CEP164: variants seen among roughly 807,000 people sequenced by gnomAD.
The protein encoded by CEP164 is centrosomal protein of 164 kDa.
In CEP164, 162 loss-of-function variants were observed where a neutral mutation model predicts 182.7. The ratio of observed to expected loss-of-function variants is 0.89; its 90% CI spans 0.78 to 1.01. CEP164 has a LOEUF of 1.01. Ranked by LOEUF, CEP164 falls within the 50% of genes least tolerant of loss-of-function variation. The pLI, the probability that CEP164 is intolerant of heterozygous loss-of-function variation, is 0.00. For missense variants in CEP164, 1,735 were observed against 1,790.4 expected (o/e 0.97, Z 0.56); for synonymous variants, 661 against 690.0 (o/e 0.96, Z 0.66).
At chr11:117,348,960 T>C (rs1057095875) in intron 4 of CEP164, among the ~76,000 whole-genome samples, 2 of 152,232 alleles carry the variant, frequency 1.3e-5, no homozygotes, top group East Asian at 1.9e-4. Flanking sequence ...TGTTGTAGCA[T>C]GCGTGAGAAT....
intron 2 of CEP164, chr11:117,336,601 GC>G (rs2037159956): frequency 4.9e-6 from 7 of 1,419,394 alleles, no homozygotes; most frequent in Non-Finnish European, 6.0e-6. Context: ...TATGGATTTG[GC>G]CCTGGCTGTC....
At chr11:117,360,919 G>A (rs1187336856) in intron 5 of CEP164, among the ~76,000 whole-genome samples, 1 of 148,570 alleles carries the variant, frequency 6.7e-6, no homozygotes, top group Non-Finnish European at 1.5e-5. Context: ...TTCCCCTCCC[G>A]CATCCTTCTT....
intron 1 of CEP164, among the ~76,000 whole-genome samples, chr11:117,329,534 AGTTTGTTT>A (rs964192224): frequency 2.0e-5 from 3 of 151,554 alleles, no homozygotes; most frequent in Non-Finnish European, 2.9e-5. Flanking sequence ...ACCTTGGGCA[AGTTTGTTT>A]GTTTGTTTGT....
At chr11:117,341,079 G>A (rs1486768710) in intron 3 of CEP164, among the ~76,000 whole-genome samples, 7 of 152,080 alleles carry the variant, frequency 4.6e-5, no homozygotes, top group East Asian at 1.9e-4. Flanking sequence ...TACCTGCCTC[G>A]GCCTCCCAAA....
chr11:117,345,488 A>G (rs1024235240), intron 4 of CEP164, among the ~76,000 whole-genome samples: 2 of 152,076 alleles, frequency 1.3e-5, no homozygotes, highest in African/African-American at 4.8e-5. Flanking sequence ...GCTTATCCCA[A>G]ACTGGTCCTC....
rs1455006858 is a variant in CEP164, at chr11:117,394,524, G to A, written c.2760+31G>A. The A allele has an allele frequency of 1.2e-6, 2 of 1,611,094 alleles. No individual in the cohort carries two copies. The highest frequency in any genetic ancestry group is 1.1e-5 in the South Asian group (1 of 90,592). ...GGGCCTGGGGCAGGGTGAGCCCACT[G>A]TGACCCCTCCATGCACAGTAGGAAG... On this transcript the variant is annotated intron_variant, in intron 21 of 32. Transcript: ENST00000278935. This position sits in a 1 kb window ranked among gnomAD's most constrained non-coding sequence, Gnocchi z 4.0.
intron 3 of CEP164, among the ~76,000 whole-genome samples, chr11:117,342,443 C>T (rs143793912): frequency 0.012 from 1,811 of 152,018 alleles, 13 homozygotes; most frequent in Non-Finnish European, 0.018. Flanking sequence ...CATGTTCCAA[C>T]GGTTATGTCA....
intron 7 of CEP164, among the ~76,000 whole-genome samples, chr11:117,363,168 A>T (rs1332677456): frequency 2.6e-5 from 4 of 152,194 alleles, no homozygotes. Context: ...TGAGCAGTCT[A>T]TTATGTCTTC....
At chr11:117,359,016 C>T (rs1159186582) in intron 5 of CEP164, among the ~76,000 whole-genome samples, 3 of 151,858 alleles carry the variant, frequency 2.0e-5, no homozygotes, top group Admixed American at 2.0e-4. Flanking sequence ...ATGATGTCAC[C>T]TCACTGCAAC....
chr11:117,344,181 C>G lies in CEP164; in HGVS notation c.98C>G (p.Ala33Gly), dbSNP rs932595015. The G allele has an allele frequency of 1.2e-5, 20 of 1,610,700 alleles. No homozygotes were observed. The highest frequency in any genetic ancestry group is 2.7e-5 in the African/African-American group (2 of 74,788). ...IPSEQEILEFAREIGIDPIKE... is the reference protein window; with the variant it reads ...IPSEQEILEFGREIGIDPIKE... ...CTCCTTGCAGAAATTCTTGAATTTGCCCGGGAGATTGGTATTGATCCCATC... is the reference window on the plus strand; with the variant it reads ...CTCCTTGCAGAAATTCTTGAATTTGGCCGGGAGATTGGTATTGATCCCATC... The change falls in exon 4 of 33, where the codon GCC becomes GGC. Residue 33 changes from alanine to glycine, a missense_variant. By Grantham distance (60) the Ala-to-Gly change is moderately conservative (BLOSUM62 0). Transcript: ENST00000278935.
At position 117,411,879 on chromosome 11, in the gene CEP164, C is replaced by A; in HGVS notation, c.4248C>A (p.Asn1416Lys). The change falls in exon 32 of 33, where the codon AAC becomes AAA. Residue 1416 changes from asparagine to lysine, a missense_variant. Asn to Lys is a moderately conservative substitution (Grantham distance 94). Coordinates refer to ENST00000278935, the MANE Select transcript of CEP164 (RefSeq NM_014956.5). This position sits in a 1 kb window ranked among gnomAD's most constrained non-coding sequence, Gnocchi z 4.4. ...CCTTTCAGGGCATAATTGAGGCCAA[C>A]CGGAGGTGGCTGGAACGTGTCAAGA... Reference protein sequence around the residue: ...STTFQGIIEANRRWLERVKND... With the variant: ...STTFQGIIEAKRRWLERVKND... 1 of 1,614,178 alleles carries A rather than the reference C, an allele frequency of 6.2e-7. No individual in the cohort carries two copies. The highest frequency in any genetic ancestry group is 8.5e-7 in the Non-Finnish European group (1 of 1,180,024).
intron 4 of CEP164, among the ~76,000 whole-genome samples, chr11:117,346,729 T>C (rs1287443793): frequency 1.3e-5 from 2 of 152,004 alleles, no homozygotes; most frequent in Non-Finnish European, 2.9e-5. Flanking sequence ...CTGGGGGTGA[T>C]GACATGCACC....
intron 11 of CEP164, 81 bp downstream of exon 11, chr11:117,375,872 GC>G: frequency 8.2e-7 from 1 of 1,222,454 alleles, no homozygotes; most frequent in Non-Finnish European, 1.2e-6. Flanking sequence ...ACTGAGCCCT[GC>G]CCATCACAGG....
At chr11:117,326,002 C>T (rs2035421598), upstream of CEP164, among the ~76,000 whole-genome samples, 1 of 150,874 alleles carries the variant, frequency 6.6e-6, no homozygotes, top group East Asian at 2.0e-4. Flanking sequence ...ACTCCGCCTC[C>T]TGGGTTCAAG....
chr11:117,372,051 G>A (rs759398871), intron 9 of CEP164, among the ~76,000 whole-genome samples: 40 of 151,208 alleles, frequency 2.6e-4, no homozygotes, highest in Non-Finnish European at 5.3e-4. Context: ...GTGTTGCCCA[G>A]GCTGGTCTCT....
Position 117,412,279 on chromosome 11 carries a change from C to A in CEP164, c.*111C>A. ...GAAAGCACCCTCCTTCCCCCTTTGA[C>A]TTGCAGGAGCCACCAGGGACCAGGG... On this transcript the variant is annotated 3_prime_UTR_variant, in exon 33 of 33. Transcript: ENST00000278935. The A allele has an allele frequency of 2.2e-6, 2 of 907,606 alleles. No individual in the cohort carries two copies. Among genetic ancestry groups the A allele is most frequent in the Non-Finnish European group, 3.3e-6 (2 of 603,850 alleles). 56.2% of individuals were successfully genotyped at this position (907,606 alleles called of 1,614,324 possible).
At chr11:117,330,974 A>G (rs553142165) in intron 1 of CEP164, among the ~76,000 whole-genome samples, 3 of 152,350 alleles carry the variant, frequency 2.0e-5, no homozygotes, top group Admixed American at 6.5e-5. Flanking sequence ...GCTTTTGCTC[A>G]TTACCACTGC....
chr11:117,394,800 A>C lies in CEP164; in HGVS notation c.2761-120A>C. On this transcript the variant is annotated intron_variant, in intron 21 of 32. Transcript: ENST00000278935. This position sits in a 1 kb window ranked among gnomAD's most constrained non-coding sequence, Gnocchi z 4.0. ...TGGGAGGCTGCAGGGGCACACAGCG[A>C]GGAAGCCTGAGCCCAGAGTGGAGGT... is the stretch of plus-strand genomic sequence containing the variant. The C allele has an allele frequency of 9.5e-7, 1 of 1,051,688 alleles. No homozygotes were observed. The highest frequency in any genetic ancestry group is 1.4e-6 in the Non-Finnish European group (1 of 697,536). 65.1% of individuals were successfully genotyped at this position (1,051,688 alleles called of 1,614,324 possible).
intron 27 of CEP164, among the ~76,000 whole-genome samples, chr11:117,404,542 C>CAT (rs561870514): frequency 6.6e-6 from 1 of 152,178 alleles, no homozygotes; most frequent in Non-Finnish European, 1.5e-5. Context: ...CCCAGAGGGG[C>CAT]ACCCACCAGA....
Sources: gnomAD v4.1 joint callset for allele counts (sites outside exome capture counted in the v4.1 genomes callset) on GRCh38, gnomAD v4.1.1 for gene constraint, Gnocchi (gnomAD v3.1) non-coding constraint, MANE v1.5 for transcripts, NCBI Gene and HGNC (gene_info 2026-07-23, HGNC 2026-07-21) for gene names.